The following ERC1 variants were observed in gnomAD, a reference collection of about 807,000 sequenced individuals.
ERC1 encodes the protein RAB6 interacting protein 2.
In ERC1, 56 loss-of-function variants were observed where a neutral mutation model predicts 132.0. The ratio of observed to expected loss-of-function variants is 0.42; its 90% CI spans 0.34 to 0.53. The LOEUF is 0.53. ERC1 is among the 20% of genes least tolerant of loss of function. The pLI, the probability that ERC1 is intolerant of heterozygous loss-of-function variation, is 0.03. For synonymous variants in ERC1, 478 were observed against 476.1 expected, an observed-to-expected ratio of 1.00 and a Z score of -0.05; for missense variants, 1,202 against 1,349.9, an observed-to-expected ratio of 0.89 and a Z score of 1.72.
intron 15 of ERC1, among the ~76,000 whole-genome samples, chr12:1,338,555 C>T (rs968713354): frequency 1.3e-5 from 2 of 152,162 alleles, no homozygotes. Flanking sequence ...CATCTCAACC[C>T]GGTTCAGAAC....
chr12:1,195,100 A>G (rs1956096461), intron 12 of ERC1, among the ~76,000 whole-genome samples: 2 of 152,246 alleles, frequency 1.3e-5, no homozygotes, highest in South Asian at 4.1e-4. Context: ...CCCCTAAAAA[A>G]ACCACAACAA....
chr12:1,217,631 C>T (rs1056462783), intron 12 of ERC1, among the ~76,000 whole-genome samples: 6 of 152,182 alleles, frequency 3.9e-5, no homozygotes, highest in African/African-American at 1.4e-4. Flanking sequence ...TGGCCAACAC[C>T]TCCTGTCTTC....
intron 16 of ERC1, among the ~76,000 whole-genome samples, chr12:1,392,168 G>T (rs545490489): frequency 1.3e-5 from 2 of 152,158 alleles, no homozygotes; most frequent in African/African-American, 4.8e-5. Context: ...CAGGGTGGGG[G>T]TCAGTGATGG....
chr12:1,002,525 T>G (rs1962598600), intron 1 of ERC1, among the ~76,000 whole-genome samples: 1 of 152,006 alleles, frequency 6.6e-6, no homozygotes, highest in South Asian at 2.1e-4. Context: ...ATGTAATTCT[T>G]TTGTGTATTT....
chr12:1,130,293 G>A (rs892563945), intron 7 of ERC1, among the ~76,000 whole-genome samples: 1 of 152,148 alleles, frequency 6.6e-6, no homozygotes, highest in South Asian at 2.1e-4. Flanking sequence ...GAGCCCAGGA[G>A]GGTTTTCACA....
At position 1,494,183 on chromosome 12, in the gene ERC1, C is replaced by T. The variant is rs558750027; in HGVS notation, c.*3953C>T. On this transcript the variant is annotated 3_prime_UTR_variant, in exon 19 of 19. Transcript: ENST00000360905. Reference sequence around the variant, plus strand: ...AAATACCAGTAATTTAACATCTGCTCCTGGCCTCCTCTTCACCTGCCTGGG... The same window carrying T: ...AAATACCAGTAATTTAACATCTGCTTCTGGCCTCCTCTTCACCTGCCTGGG... 3 of 232,426 alleles carry T rather than the reference C, an allele frequency of 1.3e-5. No individual in the cohort carries two copies. The highest frequency in any genetic ancestry group is 1.8e-4 in the South Asian group (1 of 5,518). The allele number at this position is 232,426 out of a possible 1,614,324, so 14.4% of individuals were successfully genotyped here. A position where few individuals can be genotyped will look rare whatever the true frequency, so the allele number is the denominator to read the frequency against.
chr12:1,457,663 A>G (rs745438215), intron 18 of ERC1, among the ~76,000 whole-genome samples: 1 of 152,162 alleles, frequency 6.6e-6, no homozygotes, highest in Non-Finnish European at 1.5e-5. Flanking sequence ...CTAGTCTTTG[A>G]CAGATACCAG....
chr12:1,420,893 T>TTTTG (rs369994875), intron 17 of ERC1, among the ~76,000 whole-genome samples: 2 of 139,268 alleles, frequency 1.4e-5, no homozygotes, highest in African/African-American at 5.3e-5. Flanking sequence ...AGCCCAGTAT[T>TTTTG]TTTGTTTGTT....
At chr12:1,434,197 T>C (rs1337426390) in intron 17 of ERC1, among the ~76,000 whole-genome samples, 2 of 152,200 alleles carry the variant, frequency 1.3e-5, no homozygotes, top group Non-Finnish European at 2.9e-5. Context: ...TCTGATTATA[T>C]CAAAAACGTG....
intron 7 of ERC1, among the ~76,000 whole-genome samples, chr12:1,123,467 C>T (rs1055010177): frequency 1.3e-5 from 2 of 151,810 alleles, no homozygotes; most frequent in Admixed American, 1.3e-4. Context: ...AAGATACTGT[C>T]AACAAGAGTT....
At chr12:1,076,429 C>G (rs1941358584) in intron 2 of ERC1, among the ~76,000 whole-genome samples, 1 of 140,010 alleles carries the variant, frequency 7.1e-6, no homozygotes, top group South Asian at 2.3e-4. Context: ...GAGTCTCACT[C>G]TGTCGCCCAG....
chr12:1,111,971 G>C (rs1470046554), intron 5 of ERC1, among the ~76,000 whole-genome samples: 1 of 152,086 alleles, frequency 6.6e-6, no homozygotes, highest in Non-Finnish European at 1.5e-5. Flanking sequence ...ACAAGACATA[G>C]TGCCGTATGA....
At chr12:1,119,192 A>T (rs9705617) in intron 7 of ERC1, among the ~76,000 whole-genome samples, 1 of 152,156 alleles carries the variant, frequency 6.6e-6, no homozygotes, top group Non-Finnish European at 1.5e-5. Context: ...AGTTTAAAAA[A>T]TTTTAAAAAT....
At chr12:1,054,587 G>A (rs1243909210) in intron 2 of ERC1, among the ~76,000 whole-genome samples, 1 of 152,028 alleles carries the variant, frequency 6.6e-6, no homozygotes, top group Admixed American at 6.6e-5. Context: ...GCATGTCACT[G>A]TGCATTATCT....
At position 1,490,331 on chromosome 12, in the gene ERC1, A is replaced by G; in HGVS notation, c.*101A>G. ...AACCTTCTTGGCACCAAACACTACA[A>G]ACTTCATCCCAACTTGCTCACTTGA... On this transcript the variant is annotated 3_prime_UTR_variant, in exon 19 of 19. Transcript: ENST00000360905. 1 of 1,152,782 alleles carries G rather than the reference A, an allele frequency of 8.7e-7. No individual in the cohort carries two copies. Among genetic ancestry groups the G allele is most frequent in the Non-Finnish European group, 1.2e-6 (1 of 818,994 alleles). 71.4% of individuals were successfully genotyped at this position (1,152,782 alleles called of 1,614,324 possible).
chr12:1,383,397 C>G (rs567256951), intron 16 of ERC1, among the ~76,000 whole-genome samples: 1 of 151,902 alleles, frequency 6.6e-6, no homozygotes. Context: ...GGGAACCAGT[C>G]AGACCAATAT....
At chr12:1,250,260 A>C (rs965308905) in intron 13 of ERC1, among the ~76,000 whole-genome samples, 12 of 152,198 alleles carry the variant, frequency 7.9e-5, no homozygotes, top group African/African-American at 2.9e-4. Flanking sequence ...GTTTTACTAC[A>C]TAAAGATTCT....
intron 2 of ERC1, among the ~76,000 whole-genome samples, chr12:1,074,782 G>T (rs1941061121): frequency 6.6e-6 from 1 of 152,160 alleles, no homozygotes; most frequent in East Asian, 1.9e-4. Context: ...GGATTCAGAG[G>T]CAGAGAGTAG....
intron 7 of ERC1, among the ~76,000 whole-genome samples, chr12:1,120,969 G>A (rs1048433125): frequency 2.4e-4 from 37 of 152,258 alleles, no homozygotes; most frequent in East Asian, 5.8e-4. Context: ...CATACTAAGA[G>A]TTAGTAATAC....
Sources: gnomAD v4.1 joint callset for allele counts (sites outside exome capture counted in the v4.1 genomes callset) on GRCh38, gnomAD v4.1.1 for gene constraint, MANE v1.5 for transcripts, NCBI Gene and HGNC (gene_info 2026-07-23, HGNC 2026-07-21) for gene names.